The following EEA1 variants were observed in gnomAD, a reference collection of about 807,000 sequenced individuals.
EEA1 encodes the protein early endosome antigen 1, 162kD.
EEA1 carries 111 observed loss-of-function variants against 209.2 expected under a neutral mutation model. That is an observed-to-expected ratio of 0.53 (90% CI 0.45 to 0.62). The LOEUF (loss-of-function observed/expected upper bound fraction) is 0.62, where lower values mean the gene tolerates loss of function less well. Among genes scored for constraint, EEA1 ranks in the 20% least tolerant of loss-of-function variants. The pLI is 0.00. For synonymous variants in EEA1, 536 were observed against 540.6 expected, an observed-to-expected ratio of 0.99 and a Z score of 0.12; for missense variants, 1,343 against 1,530.8, an observed-to-expected ratio of 0.88 and a Z score of 2.05.
At position 92,890,477 on chromosome 12, in the gene EEA1, G is replaced by C. The variant is rs147748387; in HGVS notation, c.117+1152C>G. ...ACTGAGAGAAGGTTAAAAAGAGACA[G>C]ATTTCAAAACAAAGAAGGTACAAAA... On this transcript the variant is annotated intron_variant, in intron 2 of 28. Coordinates refer to ENST00000322349, the MANE Select transcript of EEA1 (RefSeq NM_003566.4). Among the ~76,000 whole-genome samples the C allele has an allele frequency of 1.7e-4, 26 of 152,190 alleles. No individual in the cohort carries two copies. The East Asian group carries it at 4.6e-3, about 27-fold the overall frequency.
At chr12:92,851,362 A>C in intron 8 of EEA1, 96 bp from the exon 9 acceptor site, 1 of 1,215,164 alleles carries the variant, frequency 8.2e-7, no homozygotes. Flanking sequence ...CAAAAGGGAA[A>C]CAATCATCAA....
chr12:92,812,767 T>TC (rs1288220741), intron 16 of EEA1, among the ~76,000 whole-genome samples: 3 of 152,156 alleles, frequency 2.0e-5, no homozygotes, highest in Non-Finnish European at 4.4e-5. Context: ...ACCTGCACAC[T>TC]AGTAGAAATT....
chr12:92,888,470 G>A lies in EEA1; in HGVS notation c.117+3159C>T, dbSNP rs375248938. Among the ~76,000 whole-genome samples the A allele has an allele frequency of 5.7e-4, 86 of 151,778 alleles. 1 individual carries two copies. The highest frequency in any genetic ancestry group is 1.9e-3 in the African/African-American group (78 of 41,354). On this transcript the variant is annotated intron_variant, in intron 2 of 28. Transcript: ENST00000322349. ...CGGGTGCCTGTAGTCCCAGCTACTC[G>A]GGAGGCTGAGGCAGGAGAATGGCGT... is the stretch of plus-strand genomic sequence containing the variant.
chr12:92,813,929 C>T (rs944650893), intron 15 of EEA1, among the ~76,000 whole-genome samples: 18 of 152,110 alleles, frequency 1.2e-4, no homozygotes, highest in Non-Finnish European at 2.4e-4. Flanking sequence ...AGAAGAATCA[C>T]TTGAACCTGG....
In EEA1 at chr12:92,809,003, G is replaced by C; in HGVS notation, c.2339+14C>G. 1 of 1,566,930 alleles carries C rather than the reference G, an allele frequency of 6.4e-7. No homozygotes were observed. The highest frequency in any genetic ancestry group is 8.6e-7 in the Non-Finnish European group (1 of 1,159,282). ...TCTTTTCCCTTAATTTGTAAGTAAA[G>C]TGGTTTAGCTTACATTTCCTTCTCC... On this transcript the variant is annotated intron_variant, in intron 18 of 28. Coordinates refer to ENST00000322349, the MANE Select transcript of EEA1 (RefSeq NM_003566.4).
intron 3 of EEA1, chr12:92,859,166 T>C (rs768578911): frequency 8.1e-6 from 13 of 1,595,348 alleles, no homozygotes; most frequent in African/African-American, 1.3e-5. Context: ...CCTAGGGTCA[T>C]TGTCAGGGAT....
chr12:92,882,927 A>G (rs965105590), intron 2 of EEA1, among the ~76,000 whole-genome samples: 1 of 152,200 alleles, frequency 6.6e-6, no homozygotes, highest in Non-Finnish European at 1.5e-5. Context: ...TTTTGTTCAG[A>G]TATATACTCA....
chr12:92,826,644 G>A (rs912234190), intron 12 of EEA1, among the ~76,000 whole-genome samples: 2 of 151,056 alleles, frequency 1.3e-5, no homozygotes, highest in South Asian at 4.2e-4. Flanking sequence ...GAACCTGAAA[G>A]GCAGAGGTCG....
chr12:92,875,766 C>T (rs1878854580), intron 2 of EEA1, among the ~76,000 whole-genome samples: 1 of 152,138 alleles, frequency 6.6e-6, no homozygotes, highest in East Asian at 1.9e-4. Flanking sequence ...GAGGCAGACC[C>T]GATCGCTGAC....
At chr12:92,778,763 C>T (rs1028475387) in intron 25 of EEA1, among the ~76,000 whole-genome samples, 3 of 152,058 alleles carry the variant, frequency 2.0e-5, no homozygotes, top group African/African-American at 7.2e-5. Flanking sequence ...TCCGCTCCCC[C>T]TTATCAACAT....
At chr12:92,806,740 A>C (rs1314308359) in intron 18 of EEA1, among the ~76,000 whole-genome samples, 1 of 152,212 alleles carries the variant, frequency 6.6e-6, no homozygotes, top group Non-Finnish European at 1.5e-5. Flanking sequence ...TATCAAATCA[A>C]AAACAGCAAT....
chr12:92,843,840 G>C (rs553300327), intron 9 of EEA1, among the ~76,000 whole-genome samples: 1 of 152,074 alleles, frequency 6.6e-6, no homozygotes, highest in Non-Finnish European at 1.5e-5. Context: ...TTACAAATGA[G>C]TGCTTTCATC....
At chr12:92,846,024 A>C (rs1387798845) in intron 9 of EEA1, among the ~76,000 whole-genome samples, 2 of 152,210 alleles carry the variant, frequency 1.3e-5, no homozygotes, top group African/African-American at 2.4e-5. Context: ...ATAAGGAAAG[A>C]TATTTCAAGC....
rs927446124 is a variant in EEA1, at chr12:92,773,409, A to G, written c.*2602T>C. ...ATTCCACATTAAGAGGTAGTTGAAC[A>G]AAATGTTATTTATACACTGCATTGA... On this transcript the variant is annotated 3_prime_UTR_variant, in exon 29 of 29. Coordinates refer to ENST00000322349, the MANE Select transcript of EEA1 (RefSeq NM_003566.4). 1 of 152,206 alleles carries G rather than the reference A, an allele frequency of 6.6e-6. No individual in the cohort carries two copies. The highest frequency in any genetic ancestry group is 1.5e-5 in the Non-Finnish European group (1 of 67,710). 9.4% of individuals were successfully genotyped at this position (152,206 alleles called of 1,614,324 possible). A position where few individuals can be genotyped will look rare whatever the true frequency, so the allele number is the denominator to read the frequency against.
At chr12:92,808,441 T>C (rs1383016985) in intron 18 of EEA1, among the ~76,000 whole-genome samples, 1 of 151,752 alleles carries the variant, frequency 6.6e-6, no homozygotes, top group African/African-American at 2.4e-5. Flanking sequence ...TTCATAAACA[T>C]AGACAATCTG....
chr12:92,774,693 G>A lies in EEA1; in HGVS notation c.*1318C>T, dbSNP rs1197283243. On this transcript the variant is annotated 3_prime_UTR_variant, in exon 29 of 29. Coordinates refer to ENST00000322349, the MANE Select transcript of EEA1 (RefSeq NM_003566.4). ...GCTGTTTCAGTTTTTATTGTAACTGGGATTCCTAAATACATTTGTTTTTGG... is the reference window on the plus strand; with the variant it reads ...GCTGTTTCAGTTTTTATTGTAACTGAGATTCCTAAATACATTTGTTTTTGG... 1 of 151,490 alleles carries A rather than the reference G, an allele frequency of 6.6e-6. No homozygotes were observed. The highest frequency in any genetic ancestry group is 1.5e-5 in the Non-Finnish European group (1 of 67,582). 9.4% of individuals were successfully genotyped at this position (151,490 alleles called of 1,614,324 possible). A position where few individuals can be genotyped will look rare whatever the true frequency, so the allele number is the denominator to read the frequency against.
At chr12:92,928,261 C>T (rs1205830084) in intron 1 of EEA1, among the ~76,000 whole-genome samples, 1 of 152,014 alleles carries the variant, frequency 6.6e-6, no homozygotes, top group Admixed American at 6.5e-5. Context: ...AAATGATACA[C>T]CTACAGTTTT....
At chr12:92,794,616 C>A (rs1874568815) in intron 21 of EEA1, among the ~76,000 whole-genome samples, 2 of 150,804 alleles carry the variant, frequency 1.3e-5, no homozygotes, top group Admixed American at 1.3e-4. Context: ...TCATTCTCAG[C>A]AAACTATAAC....
intron 2 of EEA1, among the ~76,000 whole-genome samples, chr12:92,888,531 C>T (rs1411157997): frequency 6.6e-6 from 1 of 150,880 alleles, no homozygotes; most frequent in Non-Finnish European, 1.5e-5. Flanking sequence ...GAGCCGAGAT[C>T]GCGCCACTGC....
Sources: gnomAD v4.1 joint callset for allele counts (sites outside exome capture counted in the v4.1 genomes callset) on GRCh38, gnomAD v4.1.1 for gene constraint, MANE v1.5 for transcripts, NCBI Gene and HGNC (gene_info 2026-07-23, HGNC 2026-07-21) for gene names.